MAP4K4: variants seen among roughly 807,000 people sequenced by gnomAD.
MAP4K4 encodes mitogen-activated protein kinase kinase kinase kinase 4, also known as HPK/GCK-like kinase HGK.
A neutral mutation model predicts 189.6 loss-of-function variants in MAP4K4; 38 were observed. That is an observed-to-expected ratio of 0.20 (90% CI 0.15 to 0.26). The LOEUF (loss-of-function observed/expected upper bound fraction) is 0.26. Among genes scored for constraint, MAP4K4 ranks in the 10% least tolerant of loss-of-function variants. MAP4K4 has a pLI of 1.00. For synonymous variants in MAP4K4, 610 were observed against 624.3 expected, an observed-to-expected ratio of 0.98 and a Z score of 0.34; for missense variants, 1,054 against 1,726.9, an observed-to-expected ratio of 0.61 and a Z score of 6.91.
chr2:101,807,030 C>T (rs1244104341), intron 3 of MAP4K4, among the ~76,000 whole-genome samples: 2 of 150,414 alleles, frequency 1.3e-5, no homozygotes, highest in Non-Finnish European at 3.0e-5. Flanking sequence ...TCAGTTCTTT[C>T]TTTTACCCTT....
At chr2:101,811,365 C>T (rs1297814958) in intron 3 of MAP4K4, among the ~76,000 whole-genome samples, 122 of 24,658 alleles carry the variant, frequency 4.9e-3, no homozygotes, top group Non-Finnish European at 8.0e-3. Context: ...AGTGAGACTG[C>T]GTCTCAAAAA....
At chr2:101,803,026 T>C (rs1439897965) in intron 3 of MAP4K4, among the ~76,000 whole-genome samples, 1 of 152,202 alleles carries the variant, frequency 6.6e-6, no homozygotes, top group Non-Finnish European at 1.5e-5. Flanking sequence ...CCTCAGGTGA[T>C]CCGCCCACCT....
At chr2:101,802,984 C>T (rs535787081) in intron 3 of MAP4K4, among the ~76,000 whole-genome samples, 1 of 152,198 alleles carries the variant, frequency 6.6e-6, no homozygotes, top group African/African-American at 2.4e-5. Context: ...TGGGGTTTCA[C>T]CATGTTGGCC....
chr2:101,857,488 G>C (rs908230408), intron 13 of MAP4K4, among the ~76,000 whole-genome samples: 2 of 152,158 alleles, frequency 1.3e-5, no homozygotes, highest in Non-Finnish European at 2.9e-5. Flanking sequence ...GTACTGACTT[G>C]ATCTTTCGAG....
intron 29 of MAP4K4, among the ~76,000 whole-genome samples, 168 bp from the exon 30 acceptor site, chr2:101,886,920 G>A (rs901230118): frequency 6.6e-6 from 1 of 151,966 alleles, no homozygotes; most frequent in Non-Finnish European, 1.5e-5. Context: ...AGCTACTCGG[G>A]AGGCTGAGGC....
At chr2:101,890,562 T>G (rs1426502979) in intron 32 of MAP4K4, among the ~76,000 whole-genome samples, 4 of 151,990 alleles carry the variant, frequency 2.6e-5, no homozygotes, top group Non-Finnish European at 5.9e-5. Flanking sequence ...GTGCAAGCAA[T>G]TCTCTTCCTC....
At chr2:101,871,184 G>A (rs1201335584) in intron 23 of MAP4K4, among the ~76,000 whole-genome samples, 1 of 151,986 alleles carries the variant, frequency 6.6e-6, no homozygotes, top group East Asian at 1.9e-4. Context: ...CTGGAGCTTT[G>A]CAAAGAAAGA....
intron 27 of MAP4K4, among the ~76,000 whole-genome samples, chr2:101,879,195 CAAAAAAAAA>C (rs61482872): frequency 1.5e-5 from 1 of 67,446 alleles, no homozygotes; most frequent in Non-Finnish European, 2.7e-5. Flanking sequence ...AGCCTGTCTC[CAAAAAAAAA>C]AAAAAAAAAA....
At chr2:101,893,028 G>T (rs939152878) in exon 33 of MAP4K4, 2 of 456,174 alleles carry the variant, frequency 4.4e-6, no homozygotes, top group Non-Finnish European at 8.8e-6. Flanking sequence ...CCTGTATATT[G>T]TGAAAATGGG....
chr2:101,742,961 T>C lies in MAP4K4; in HGVS notation c.123+44423T>C, dbSNP rs912610816. On this transcript the variant is annotated intron_variant, in intron 2 of 32. Coordinates refer to ENST00000324219, the Ensembl canonical transcript of MAP4K4. ...GGAGAGGCTTTTTATCAGGCCCACG[T>C]CCTGCTCTTTTTGAAAGAGGTTTTA... Among the ~76,000 whole-genome samples, 12 of 152,346 alleles carry C rather than the reference T, an allele frequency of 7.9e-5. No individual in the cohort carries two copies. The South Asian group carries it at 2.5e-3, about 32-fold the overall frequency.
chr2:101,795,877 T>C (rs931862226), intron 3 of MAP4K4, among the ~76,000 whole-genome samples: 6 of 152,328 alleles, frequency 3.9e-5, no homozygotes, highest in African/African-American at 1.4e-4. Context: ...TCAGTGAATA[T>C]AAAGTTCACA....
chr2:101,894,465 G>A (rs930186458), exon 33 of MAP4K4: 6 of 152,622 alleles, frequency 3.9e-5, no homozygotes, highest in Non-Finnish European at 7.4e-5. Context: ...TTAGGTTTTC[G>A]TCTTAGTTGT....
At chr2:101,770,644 G>A (rs2080950499) in intron 2 of MAP4K4, among the ~76,000 whole-genome samples, 2 of 152,156 alleles carry the variant, frequency 1.3e-5, no homozygotes, top group Admixed American at 1.3e-4. Context: ...CAAATAATAT[G>A]ACTGGCAATG....
intron 2 of MAP4K4, among the ~76,000 whole-genome samples, chr2:101,741,802 T>G (rs1053307944): frequency 2.6e-5 from 4 of 152,186 alleles, no homozygotes; most frequent in Non-Finnish European, 4.4e-5. Flanking sequence ...TATGGGCCTT[T>G]GTGAAAGTTA....
At chr2:101,877,922 TG>T (rs2098260503) in intron 27 of MAP4K4, among the ~76,000 whole-genome samples, 1 of 152,088 alleles carries the variant, frequency 6.6e-6, no homozygotes, top group African/African-American at 2.4e-5. Flanking sequence ...GCTGATTTTT[TG>T]TATTTTTAGT....
At chr2:101,805,095 A>G (rs973909544) in intron 3 of MAP4K4, among the ~76,000 whole-genome samples, 4 of 147,326 alleles carry the variant, frequency 2.7e-5, no homozygotes, top group African/African-American at 1.0e-4. Context: ...AAAAAAAAAA[A>G]GTAATAATAT....
chr2:101,890,282 T>G lies in MAP4K4; in HGVS notation c.4072-884T>G, dbSNP rs1331004338. On this transcript the variant is annotated intron_variant, in intron 32 of 32. Coordinates refer to ENST00000324219, the Ensembl canonical transcript of MAP4K4. ...TATTAGAAGGTGTTAACAGTAGAAG[T>G]GGAAAGAAATAACTTCAGAAACATC... Among the ~76,000 whole-genome samples the G allele has an allele frequency of 2.0e-5, 3 of 152,330 alleles. No homozygotes were observed. In the East Asian group the frequency reaches 5.8e-4, roughly 29 times the overall value.
At chr2:101,810,515 A>G (rs1451426127) in intron 3 of MAP4K4, among the ~76,000 whole-genome samples, 1 of 152,144 alleles carries the variant, frequency 6.6e-6, no homozygotes, top group Non-Finnish European at 1.5e-5. Flanking sequence ...TCACAATACC[A>G]TTTAAAAGCA....
chr2:101,767,090 G>A (rs1257632841), intron 2 of MAP4K4, among the ~76,000 whole-genome samples: 1 of 152,178 alleles, frequency 6.6e-6, no homozygotes, highest in African/African-American at 2.4e-5. Context: ...TTGAAGTGAA[G>A]TTACAAAGTT....
Sources: allele counts gnomAD v4.1 joint callset (sites outside exome capture counted in the v4.1 genomes callset), GRCh38; gene constraint gnomAD v4.1.1; transcripts MANE v1.5; gene names NCBI Gene and HGNC (gene_info 2026-07-23, HGNC 2026-07-21).